Variants in HCLS1 observed in about 807,000 individuals in gnomAD.
HCLS1 encodes the protein hematopoietic cell-specific Lyn substrate 1.
In HCLS1, 44 loss-of-function variants were observed where a neutral mutation model predicts 68.6. The ratio of observed to expected loss-of-function variants is 0.64; its 90% confidence interval spans 0.50 to 0.82. The LOEUF is 0.82. HCLS1 is among the 40% of genes least tolerant of loss of function. The pLI, the probability that HCLS1 is intolerant of heterozygous loss-of-function variation, is 0.00. For synonymous variants in HCLS1, 217 were observed against 225.8 expected, an observed-to-expected ratio of 0.96 and a Z score of 0.35; for missense variants, 602 against 612.1, an observed-to-expected ratio of 0.98 and a Z score of 0.17.
chr3:121,632,986 G>T, intron 11 of HCLS1, 81 bp downstream of exon 11: 1 of 919,392 alleles, frequency 1.1e-6, no homozygotes, highest in Non-Finnish European at 1.7e-6. Context: ...AAACCAGGAT[G>T]GTTGGCCACC....
intron 3 of HCLS1, among the ~76,000 whole-genome samples, chr3:121,650,609 C>T (rs978347194): frequency 6.6e-6 from 1 of 152,082 alleles, no homozygotes; most frequent in African/African-American, 2.4e-5. Flanking sequence ...GAAAAATGAA[C>T]CTCAATCTTG....
At chr3:121,641,359 G>A (rs1014704578) in intron 6 of HCLS1, among the ~76,000 whole-genome samples, 1 of 152,174 alleles carries the variant, frequency 6.6e-6, no homozygotes. Context: ...TTCAAAGACT[G>A]AAAGTTCTTT....
In HCLS1 at chr3:121,647,304, TCC is replaced by T; in HGVS notation, c.288+13_288+14del. ...CTTGTATTTTTTTAAAGCAAATCTT[TCC>T]CTTTCAACTTACCTTGTCCATTCGG... On this transcript the variant is annotated intron_variant, in intron 4 of 13. Transcript: ENST00000314583. The T allele has an allele frequency of 6.2e-7, 1 of 1,613,444 alleles. No homozygotes were observed. Among genetic ancestry groups the T allele is most frequent in the East Asian group, 2.2e-5 (1 of 44,846 alleles).
chr3:121,633,506 G>A (rs927253377), intron 10 of HCLS1, among the ~76,000 whole-genome samples: 4 of 152,132 alleles, frequency 2.6e-5, no homozygotes, highest in African/African-American at 4.8e-5. Context: ...ACAGGCATGA[G>A]CCACCACGCT....
chr3:121,650,085 GA>G (rs1164644369), intron 3 of HCLS1, among the ~76,000 whole-genome samples: 27 of 152,250 alleles, frequency 1.8e-4, no homozygotes, highest in Admixed American at 1.2e-3. Context: ...ATAAATACAT[GA>G]AATAACATGA....
In HCLS1 at chr3:121,634,248, G is replaced by T. The variant is rs887203606; in HGVS notation, c.862C>A (p.Pro288Thr). 4 of 1,614,162 alleles carry T rather than the reference G, an allele frequency of 2.5e-6. No individual in the cohort carries two copies. Among genetic ancestry groups the T allele is most frequent in the Non-Finnish European group, 3.4e-6 (4 of 1,180,034 alleles). ...APQPVIAMEEPAVPAPLPKKI... is the reference protein window; with the variant it reads ...APQPVIAMEETAVPAPLPKKI... ...TTGGGCAGTGGGGCCGGTACTGCTG[G>T]CTCTTCCATAGCTATCACTGGCTGT... Residue 288 changes from proline (P) to threonine (T), a missense_variant, in exon 10 of 14, where the codon CCA becomes ACA. Pro to Thr is a conservative substitution (Grantham distance 38). Transcript: ENST00000314583.
intron 6 of HCLS1, among the ~76,000 whole-genome samples, chr3:121,637,704 G>A (rs1358421205): frequency 6.6e-6 from 1 of 152,192 alleles, no homozygotes; most frequent in Non-Finnish European, 1.5e-5. Flanking sequence ...AGGGGCCGAG[G>A]CAGGTGGATC....
chr3:121,640,088 A>G (rs1019136634), intron 6 of HCLS1, among the ~76,000 whole-genome samples: 1 of 152,190 alleles, frequency 6.6e-6, no homozygotes, highest in African/African-American at 2.4e-5. Context: ...ATTTCATATC[A>G]CTAGAAATCT....
In HCLS1 at chr3:121,650,985, A is replaced by C. The variant is rs888646130; in HGVS notation, c.159-3537T>G. Among the ~76,000 whole-genome samples the C allele has an allele frequency of 1.4e-4, 22 of 152,194 alleles. 1 individual carries two copies. Among genetic ancestry groups the C allele is most frequent in the African/African-American group, 4.3e-4 (18 of 41,498 alleles). ...ACCCCGTCTCTACCAAAAATACAAA[A>C]ATTAGCTGGGCTTGGTGGTGGGCGC... On this transcript the variant is annotated intron_variant, in intron 3 of 13. Transcript: ENST00000314583.
intron 11 of HCLS1, 88 bp downstream of exon 11, chr3:121,632,979 C>A: frequency 1.2e-6 from 1 of 864,248 alleles, no homozygotes; most frequent in South Asian, 1.6e-5. Context: ...GCAAGGCAAA[C>A]CAGGATGGTT....
chr3:121,632,455 C>G lies in HCLS1; in HGVS notation c.1117G>C (p.Glu373Gln). 1 of 1,612,780 alleles carries G rather than the reference C, an allele frequency of 6.2e-7. No individual in the cohort carries two copies. The highest frequency in any genetic ancestry group is 8.5e-7 in the Non-Finnish European group (1 of 1,179,056). Reference sequence around the variant, plus strand: ...ACGTCCTCATAGTCATTCTCAGGCTCGGGCTCAGGCTCGGGCTCAGGCTCA... The same window carrying G: ...ACGTCCTCATAGTCATTCTCAGGCTGGGGCTCAGGCTCGGGCTCAGGCTCA... ...EPEPEPEPEP[E>Q]PENDYEDVEE... Residue 373 changes from glutamate to glutamine, a missense_variant, in exon 12 of 14, where the codon GAG becomes CAG. Coordinates refer to ENST00000314583, the MANE Select transcript of HCLS1 (RefSeq NM_005335.6).
In HCLS1 at chr3:121,652,654, C is replaced by T. The variant is rs566505179; in HGVS notation, c.158+4625G>A. 4.6e-5 allele frequency among the ~76,000 whole-genome samples: 7 copies of T among 151,896 alleles called. 1 individual carries two copies. Among genetic ancestry groups the T allele is most frequent in the South Asian group, 4.2e-4 (2 of 4,808 alleles). ...CAGCCTGGATGACAGAGCGAAACTC[C>T]GTCTCAAAAAAAACAAAGTTAATTT... On this transcript the variant is annotated intron_variant, in intron 3 of 13. Transcript: ENST00000314583.
At chr3:121,637,284 C>T (rs2049159117) in intron 6 of HCLS1, 28 bp from the exon 7 acceptor site, 2 of 1,496,678 alleles carry the variant, frequency 1.3e-6, no homozygotes, top group African/African-American at 1.4e-5. Context: ...GTCATGAGAG[C>T]CCACCCTTAG....
At chr3:121,645,057 G>C in intron 4 of HCLS1, 129 bp from the exon 5 acceptor site, 1 of 692,640 alleles carries the variant, frequency 1.4e-6, no homozygotes. Context: ...CTCTGACAGT[G>C]GTGCCAAGGA....
intron 5 of HCLS1, chr3:121,643,948 T>C (rs988717367): frequency 1.3e-5 from 2 of 152,510 alleles, no homozygotes; most frequent in African/African-American, 4.8e-5. Flanking sequence ...CTTTGCAGTA[T>C]GTTTTAAACT....
intron 4 of HCLS1, among the ~76,000 whole-genome samples, chr3:121,646,364 TTAC>T (rs1266997892): frequency 1.0e-5 from 1 of 98,892 alleles, no homozygotes; most frequent in African/African-American, 4.2e-5. Context: ...TTACATTATA[TTAC>T]ATATTATTAC....
At position 121,654,838 on chromosome 3, in the gene HCLS1, C is replaced by T. The variant is rs138082949; in HGVS notation, c.158+2441G>A. Among the ~76,000 whole-genome samples, 86 of 152,298 alleles carry T rather than the reference C, an allele frequency of 5.6e-4. No individual in the cohort carries two copies. In the East Asian group the frequency reaches 0.012, roughly 22 times the overall value. Reference sequence around the variant, plus strand: ...TCCTCTCCAATTTCCCTCTCCTTTCCAAGGACCATGGTGATTCCCATCAGA... The same window carrying T: ...TCCTCTCCAATTTCCCTCTCCTTTCTAAGGACCATGGTGATTCCCATCAGA... On this transcript the variant is annotated intron_variant, in intron 3 of 13. Coordinates refer to ENST00000314583, the MANE Select transcript of HCLS1 (RefSeq NM_005335.6).
intron 13 of HCLS1, 27 bp downstream of exon 13, chr3:121,632,074 A>G: frequency 1.2e-6 from 2 of 1,613,546 alleles, no homozygotes; most frequent in Non-Finnish European, 8.5e-7. Context: ...TCCATGTACC[A>G]GGCTCCTCGG....
chr3:121,633,210 C>A, intron 10 of HCLS1, 39 bp from the exon 11 acceptor site: 1 of 1,292,416 alleles, frequency 7.7e-7, no homozygotes, highest in South Asian at 1.4e-5. Context: ...AGCAAGCCTC[C>A]ATCTTCACTC....
Sources: allele counts gnomAD v4.1 joint callset (sites outside exome capture counted in the v4.1 genomes callset), GRCh38; gene constraint gnomAD v4.1.1; transcripts MANE v1.5; gene names NCBI Gene and HGNC (gene_info 2026-07-23, HGNC 2026-07-21).